ANO6: variants seen among roughly 807,000 people sequenced by gnomAD.
The protein encoded by ANO6 is anoctamin-6.
Under a neutral mutation model 117.5 loss-of-function variants are expected in ANO6, and 106 were observed. The observed-to-expected ratio is 0.90, with a 90% confidence interval of 0.77 to 1.06. The LOEUF (loss-of-function observed/expected upper bound fraction) is 1.06. Among genes scored for constraint, ANO6 ranks in the 50% least tolerant of loss-of-function variants. The pLI, the probability that ANO6 is intolerant of heterozygous loss-of-function variation, is 0.00. For synonymous variants in ANO6, 367 were observed against 385.1 expected, an observed-to-expected ratio of 0.95 and a Z score of 0.55; for missense variants, 955 against 1,121.1, an observed-to-expected ratio of 0.85 and a Z score of 2.12.
At chr12:45,392,254 C>T (rs1397099970) in intron 12 of ANO6, among the ~76,000 whole-genome samples, 1 of 152,222 alleles carries the variant, frequency 6.6e-6, no homozygotes, top group East Asian at 1.9e-4. Context: ...ACTGCTAGCG[C>T]AGCAGTCTGG....
chr12:45,398,637 A>G (rs1289172074), intron 12 of ANO6, among the ~76,000 whole-genome samples: 4 of 152,218 alleles, frequency 2.6e-5, no homozygotes, highest in Non-Finnish European at 5.9e-5. Context: ...AAACATATAT[A>G]TCAACCAAAA....
chr12:45,439,654 T>TC, intron 19 of ANO6: 1 of 1,275,638 alleles, frequency 7.8e-7, no homozygotes, highest in Non-Finnish European at 9.9e-7. Flanking sequence ...TTGCTTTTTT[T>TC]TTTTTTTTTT....
chr12:45,334,466 G>T (rs905274699), intron 3 of ANO6, among the ~76,000 whole-genome samples: 1 of 152,028 alleles, frequency 6.6e-6, no homozygotes, highest in Non-Finnish European at 1.5e-5. Context: ...TGCAACTCCA[G>T]GTAGCCAGAG....
At chr12:45,372,294 A>G (rs1283769975) in intron 9 of ANO6, among the ~76,000 whole-genome samples, 5 of 137,086 alleles carry the variant, frequency 3.6e-5, no homozygotes, top group South Asian at 2.6e-4. Flanking sequence ...TCTGCAGGAT[A>G]TTATCCAGGA....
At chr12:45,252,132 A>G (rs1030609432) in intron 1 of ANO6, among the ~76,000 whole-genome samples, 6 of 152,230 alleles carry the variant, frequency 3.9e-5, no homozygotes, top group African/African-American at 1.4e-4. Flanking sequence ...TTTTTCAGCC[A>G]TTTCATTTCC....
intron 9 of ANO6, among the ~76,000 whole-genome samples, chr12:45,373,157 G>T (rs1941896328): frequency 6.6e-6 from 1 of 152,112 alleles, no homozygotes; most frequent in African/African-American, 2.4e-5. Context: ...AACAAGAAGA[G>T]CTAACTATCC....
At chr12:45,414,935 T>C (rs1943177599) in intron 16 of ANO6, among the ~76,000 whole-genome samples, 1 of 152,146 alleles carries the variant, frequency 6.6e-6, no homozygotes. Context: ...AGCTAATTTT[T>C]GTATTTTTTG....
intron 1 of ANO6, among the ~76,000 whole-genome samples, chr12:45,229,936 G>T (rs1592843852): frequency 1.4e-5 from 2 of 144,032 alleles, no homozygotes; most frequent in East Asian, 4.1e-4. Context: ...TGTATCAAAT[G>T]AAGAATGCCA....
chr12:45,356,238 G>C (rs997916809), intron 7 of ANO6, among the ~76,000 whole-genome samples: 1 of 152,128 alleles, frequency 6.6e-6, no homozygotes, highest in African/African-American at 2.4e-5. Flanking sequence ...ACAGGGTGAT[G>C]GATTCCTCAA....
chr12:45,285,908 A>G (rs376368230), intron 1 of ANO6, among the ~76,000 whole-genome samples: 44 of 152,094 alleles, frequency 2.9e-4, no homozygotes, highest in African/African-American at 9.4e-4. Context: ...TGGAGGTCTG[A>G]GTTTCCCTCA....
chr12:45,267,893 G>T (rs1033454028), intron 1 of ANO6, among the ~76,000 whole-genome samples: 4 of 152,160 alleles, frequency 2.6e-5, no homozygotes, highest in African/African-American at 9.7e-5. Context: ...ATTATTAAAA[G>T]GGGAAGGGTA....
chr12:45,331,240 G>C (rs1303126232), intron 2 of ANO6, 55 bp from the exon 3 acceptor site: 17 of 1,473,324 alleles, frequency 1.2e-5, no homozygotes, highest in Middle Eastern at 2.1e-4. Flanking sequence ...ACACTTATAA[G>C]TCAGCATTTT....
intron 10 of ANO6, among the ~76,000 whole-genome samples, chr12:45,382,970 C>T (rs1942206191): frequency 6.6e-6 from 1 of 152,136 alleles, no homozygotes; most frequent in Non-Finnish European, 1.5e-5. Flanking sequence ...TTTGCCACAT[C>T]AGTGGACTCT....
intron 9 of ANO6, among the ~76,000 whole-genome samples, chr12:45,370,807 C>A (rs1048855869): frequency 1.3e-5 from 2 of 152,158 alleles, no homozygotes; most frequent in Non-Finnish European, 2.9e-5. Flanking sequence ...AGCAGGCACG[C>A]ATTTATTGTC....
chr12:45,408,439 C>CT (rs1942999890), intron 15 of ANO6, among the ~76,000 whole-genome samples: 1 of 152,026 alleles, frequency 6.6e-6, no homozygotes, highest in African/African-American at 2.4e-5. Flanking sequence ...GGGGGAAGCA[C>CT]TTAGCCACAA....
At chr12:45,365,690 G>A (rs992711882) in intron 8 of ANO6, among the ~76,000 whole-genome samples, 1 of 152,148 alleles carries the variant, frequency 6.6e-6, no homozygotes, top group Non-Finnish European at 1.5e-5. Context: ...AAGGCTGTTG[G>A]TTTTTAAGGC....
chr12:45,410,299 T>A (rs1943055066), intron 16 of ANO6, among the ~76,000 whole-genome samples: 1 of 152,170 alleles, frequency 6.6e-6, no homozygotes, highest in African/African-American at 2.4e-5. Context: ...TTCTGGCCAG[T>A]GGTTTCTGCC....
intron 19 of ANO6, among the ~76,000 whole-genome samples, chr12:45,423,890 C>G (rs1284003029): frequency 6.6e-6 from 1 of 152,172 alleles, no homozygotes; most frequent in Non-Finnish European, 1.5e-5. Flanking sequence ...ATCTCATTGA[C>G]CAGAACTATA....
Position 45,349,252 on chromosome 12 carries a change from C to T in ANO6, c.747+621C>T, listed in dbSNP as rs186800807. Among the ~76,000 whole-genome samples, 34 of 152,184 alleles carry T rather than the reference C, an allele frequency of 2.2e-4. No individual in the cohort carries two copies. The East Asian group carries it at 4.4e-3, about 20-fold the overall frequency. ...AGACTTTTCTTCCTCATTTGGAATA[C>T]GATTTTCAAACTGTCCCCTGGAATA... On this transcript the variant is annotated intron_variant, in intron 6 of 19. Coordinates refer to ENST00000320560, the MANE Select transcript of ANO6 (RefSeq NM_001025356.3).
Sources: allele counts gnomAD v4.1 joint callset (sites outside exome capture counted in the v4.1 genomes callset), GRCh38; gene constraint gnomAD v4.1.1; transcripts MANE v1.5; gene names NCBI Gene and HGNC (gene_info 2026-07-23, HGNC 2026-07-21).